E2F3: variants seen among roughly 807,000 people sequenced by gnomAD.
E2F3 encodes E2F transcription factor 3.
E2F3 carries 11 observed loss-of-function variants against 44.4 expected under a neutral mutation model. The observed-to-expected ratio is 0.25, with a 90% confidence interval of 0.16 to 0.41. The LOEUF is 0.41. Ranked by LOEUF, E2F3 falls within the 10% of genes least tolerant of loss-of-function variation. The pLI, the probability that E2F3 is intolerant of heterozygous loss-of-function variation, is 1.00. For synonymous variants in E2F3, 249 were observed against 253.0 expected, an observed-to-expected ratio of 0.98 and a Z score of 0.15; for missense variants, 487 against 583.6, an observed-to-expected ratio of 0.83 and a Z score of 1.70.
chr6:20,466,636 C>T (rs1210206484), intron 1 of E2F3, among the ~76,000 whole-genome samples: 2 of 151,006 alleles, frequency 1.3e-5, no homozygotes, highest in African/African-American at 4.9e-5. Context: ...GGAAAAGTCC[C>T]ATGACTCTTC....
At chr6:20,458,010 T>A (rs1004716745) in intron 1 of E2F3, among the ~76,000 whole-genome samples, 5 of 152,204 alleles carry the variant, frequency 3.3e-5, no homozygotes, top group Admixed American at 6.5e-5. Context: ...TCTTTTTATG[T>A]TCATTTGAAA....
rs759216279 is a variant in E2F3, at chr6:20,402,370, C to CGCCGCCGCCGCT, written c.148_159dup (p.Ala50_Ala53dup). The CGCCGCCGCCGCT allele has an allele frequency of 6.2e-7, 1 of 1,608,062 alleles. No homozygotes were observed. The highest frequency in any genetic ancestry group is 1.4e-5 in the African/African-American group (1 of 74,066). Reference sequence around the variant, plus strand: ...TGCTAGCCAGCCCCGGCTTCGCCGCCGCCGCCGCCGCTGCCGCCGCCCCGG... The same window carrying CGCCGCCGCCGCT: ...TGCTAGCCAGCCCCGGCTTCGCCGCCGCCGCCGCCGCTGCCGCCGCCGCTGCCGCCGCCCCGG... On this transcript the variant is annotated inframe_insertion, in exon 1 of 7. Coordinates refer to ENST00000346618, the MANE Select transcript of E2F3 (RefSeq NM_001949.5). This position sits in a 1 kb window ranked among gnomAD's most constrained non-coding sequence, Gnocchi z 5.6.
At chr6:20,477,032 C>T (rs1170730690) in intron 1 of E2F3, among the ~76,000 whole-genome samples, 1 of 152,212 alleles carries the variant, frequency 6.6e-6, no homozygotes, top group Non-Finnish European at 1.5e-5. Context: ...TTTAATGCTA[C>T]ATCTGACCCA....
At chr6:20,421,692 G>T (rs1019933357) in intron 1 of E2F3, 3 of 152,052 alleles carry the variant, frequency 2.0e-5, no homozygotes, top group Non-Finnish European at 2.9e-5. Flanking sequence ...TCTTTTTTCT[G>T]ACCTGGGCTG....
intron 1 of E2F3, among the ~76,000 whole-genome samples, chr6:20,441,113 T>C (rs978519955): frequency 7.2e-5 from 11 of 152,190 alleles, no homozygotes; most frequent in African/African-American, 2.7e-4. Context: ...CATGTCCAGA[T>C]TTTTTTCACC....
At chr6:20,469,728 T>C (rs577073959) in intron 1 of E2F3, among the ~76,000 whole-genome samples, 31 of 152,272 alleles carry the variant, frequency 2.0e-4, no homozygotes, top group Non-Finnish European at 1.0e-4. Context: ...TTGGAGTCCA[T>C]TCTAGTAATC....
intron 1 of E2F3, chr6:20,421,647 T>C (rs1760030327): frequency 6.6e-6 from 1 of 152,262 alleles, no homozygotes; most frequent in South Asian, 2.1e-4. Flanking sequence ...GCTTTATTAC[T>C]TCACTGATAG....
At chr6:20,481,506 T>C (rs571679412) in intron 3 of E2F3, 81 bp downstream of exon 3, 31 of 1,218,146 alleles carry the variant, frequency 2.5e-5, no homozygotes, top group South Asian at 2.4e-4. Context: ...CACTTTCACA[T>C]CCACGCCCAC....
chr6:20,493,443 G>A lies in E2F3; in HGVS notation c.*3013G>A, dbSNP rs1762607205. The A allele has an allele frequency of 4.4e-6, 1 of 226,874 alleles. No individual in the cohort carries two copies. The highest frequency in any genetic ancestry group is 5.7e-5 in the Admixed American group (1 of 17,578). The allele number at this position is 226,874 out of a possible 1,614,324, so 14.1% of individuals were successfully genotyped here. The stretch of plus-strand genomic sequence containing the variant: ...GTGTGGGAATTTCTTTTCCTACGGG[G>A]TACGTGATTTTGTAAAAAGGAAGTA... On this transcript the variant is annotated 3_prime_UTR_variant, in exon 7 of 7. Coordinates refer to ENST00000346618, the MANE Select transcript of E2F3 (RefSeq NM_001949.5).
In E2F3 at chr6:20,402,078, C is replaced by G. The variant is rs1759320957; in HGVS notation, c.-155C>G. The stretch of plus-strand genomic sequence containing the variant: ...TTTGGCCCCCGGGGCCTGTGCGGTG[C>G]GGAAAAATAAAAAGAAAAGAGAGAG... On this transcript the variant is annotated 5_prime_UTR_variant, in exon 1 of 7. Coordinates refer to ENST00000346618, the MANE Select transcript of E2F3 (RefSeq NM_001949.5). The surrounding 1 kb of genome is among the most constrained non-coding windows in gnomAD (Gnocchi z 5.6). 7.6e-7 allele frequency: 1 copy of G among 1,321,778 alleles called. No homozygotes were observed. The highest frequency in any genetic ancestry group is 9.8e-7 in the Non-Finnish European group (1 of 1,016,104). The allele number at this position is 1,321,778 out of a possible 1,614,324, so 81.9% of individuals were successfully genotyped here.
chr6:20,464,361 G>A (rs1357241381), intron 1 of E2F3, among the ~76,000 whole-genome samples: 1 of 152,184 alleles, frequency 6.6e-6, no homozygotes, highest in Non-Finnish European at 1.5e-5. Flanking sequence ...TCAGGCCTAA[G>A]GGGGAGGTTA....
In E2F3 at chr6:20,488,338, AAC is replaced by A. The variant is rs1420471353; in HGVS notation, c.1135+94_1135+95del. 8 of 1,409,286 alleles carry A rather than the reference AAC, an allele frequency of 5.7e-6. No individual in the cohort carries two copies. The East Asian group carries it at 1.9e-4, about 34-fold the overall frequency. The allele number at this position is 1,409,286 out of a possible 1,614,324, so 87.3% of individuals were successfully genotyped here. A position where few individuals can be genotyped will look rare whatever the true frequency, so the allele number is the denominator to read the frequency against. ...ATTGGAACCACAAGCCTAGGCAAGA[AAC>A]ACAAACTTCTATTGGTATTAGGTAA... is the stretch of plus-strand genomic sequence containing the variant. On this transcript the variant is annotated intron_variant, in intron 6 of 6. Coordinates refer to ENST00000346618, the MANE Select transcript of E2F3 (RefSeq NM_001949.5).
chr6:20,467,079 CTTG>C (rs1278102744), intron 1 of E2F3, among the ~76,000 whole-genome samples: 1 of 152,130 alleles, frequency 6.6e-6, no homozygotes, highest in Non-Finnish European at 1.5e-5. Flanking sequence ...TCATCATTCT[CTTG>C]TTAATTAACC....
chr6:20,410,745 C>T (rs547583377), intron 1 of E2F3, among the ~76,000 whole-genome samples: 16 of 152,250 alleles, frequency 1.1e-4, no homozygotes, highest in South Asian at 1.0e-3. Flanking sequence ...CAGCCTCCCC[C>T]GTAACTGGGA....
chr6:20,460,996 CAAAAAAAAAAAAAAAAA>C (rs61306918), intron 1 of E2F3, among the ~76,000 whole-genome samples: 13 of 55,488 alleles, frequency 2.3e-4, no homozygotes, highest in Non-Finnish European at 3.0e-4. Flanking sequence ...ACTCTATCTC[CAAAAAAAAAAAAAAAAA>C]AAAAAAAAAA....
intron 3 of E2F3, among the ~76,000 whole-genome samples, chr6:20,482,393 A>G (rs139138553): frequency 1.8e-5 from 2 of 111,648 alleles, no homozygotes; most frequent in Non-Finnish European, 3.8e-5. Flanking sequence ...GTCTTTCTCT[A>G]TCTTTTTATC....
chr6:20,486,422 G>A (rs900433988), intron 4 of E2F3, among the ~76,000 whole-genome samples: 6 of 152,086 alleles, frequency 3.9e-5, no homozygotes, highest in Admixed American at 1.3e-4. Context: ...ACAGGCGCCC[G>A]CCACCACGCC....
chr6:20,434,552 A>G (rs1161153718), intron 1 of E2F3, among the ~76,000 whole-genome samples: 1 of 152,226 alleles, frequency 6.6e-6, no homozygotes, highest in Admixed American at 6.5e-5. Flanking sequence ...AAAGCTCTAA[A>G]TGTATCAGTG....
chr6:20,441,585 G>C (rs920767782), intron 1 of E2F3, among the ~76,000 whole-genome samples: 3 of 151,770 alleles, frequency 2.0e-5, no homozygotes, highest in Non-Finnish European at 4.4e-5. Flanking sequence ...TTTTGTTTTT[G>C]TTTTTTTGAG....
Sources: gnomAD v4.1 joint callset for allele counts (sites outside exome capture counted in the v4.1 genomes callset) on GRCh38, gnomAD v4.1.1 for gene constraint, Gnocchi (gnomAD v3.1) non-coding constraint, MANE v1.5 for transcripts, NCBI Gene and HGNC (gene_info 2026-07-23, HGNC 2026-07-21) for gene names.